The following SHANK2 variants were observed in gnomAD, a reference collection of about 807,000 sequenced individuals.
SHANK2 encodes SH3 and multiple ankyrin repeat domains protein 2.
SHANK2 carries 43 observed loss-of-function variants against 133.7 expected under a neutral mutation model. The ratio of observed to expected loss-of-function variants is 0.32; its 90% CI spans 0.25 to 0.41. The LOEUF (loss-of-function observed/expected upper bound fraction) is 0.41, where lower values mean the gene tolerates loss of function less well. Among genes scored for constraint, SHANK2 ranks in the 10% least tolerant of loss-of-function variants. The pLI is 1.00. For missense variants in SHANK2, 1,994 were observed against 2,235.8 expected (o/e 0.89, Z 2.18); for synonymous variants, 1,017 against 952.8 (o/e 1.07, Z -1.24).
intron 10 of SHANK2, among the ~76,000 whole-genome samples, chr11:70,914,404 C>G (rs1289213480): frequency 6.6e-6 from 1 of 152,110 alleles, no homozygotes; most frequent in Non-Finnish European, 1.5e-5. Context: ...CACCACACCT[C>G]CCACCTGTCC....
chr11:70,658,459 G>A (rs937675836), intron 17 of SHANK2, among the ~76,000 whole-genome samples: 4 of 152,246 alleles, frequency 2.6e-5, no homozygotes, highest in Middle Eastern at 3.4e-3. Flanking sequence ...TGGTGCACCC[G>A]ACAGTTTCAA....
intron 3 of SHANK2, among the ~76,000 whole-genome samples, chr11:71,123,630 C>A (rs1272130540): frequency 7.2e-5 from 11 of 152,200 alleles, no homozygotes; most frequent in African/African-American, 2.7e-4. Flanking sequence ...TTGGTCATGT[C>A]AAGTTCTCCT....
intron 12 of SHANK2, among the ~76,000 whole-genome samples, chr11:70,817,516 T>C (rs1948424111): frequency 6.6e-6 from 1 of 152,166 alleles, no homozygotes; most frequent in Non-Finnish European, 1.5e-5. Context: ...ATTTTAGCAC[T>C]GAAAGTCCCA....
intron 17 of SHANK2, among the ~76,000 whole-genome samples, chr11:70,641,926 T>A (rs181696857): frequency 6.6e-6 from 1 of 152,120 alleles, no homozygotes; most frequent in Non-Finnish European, 1.5e-5. Context: ...AAAGGGCCAA[T>A]CTCTCTGGGC....
chr11:70,490,420 C>T, intron 22 of SHANK2, 33 bp from the exon 23 acceptor site: 1 of 1,571,948 alleles, frequency 6.4e-7, no homozygotes, highest in African/African-American at 1.3e-5. Flanking sequence ...TGAGACGCAG[C>T]CCTGGCCAGC....
At position 70,528,113 on chromosome 11, in the gene SHANK2, C is replaced by T. The variant is rs201746087; in HGVS notation, c.2062-25182G>A. Among the ~76,000 whole-genome samples the T allele has an allele frequency of 6.6e-5, 10 of 152,338 alleles. No homozygotes were observed. The East Asian group carries it at 1.5e-3, about 24-fold the overall frequency. ...CAGAAGGTAGGAACCAGGATGGCGG[C>T]GCAGAAACCAACCGAGCATCAGGTG... On this transcript the variant is annotated intron_variant, in intron 17 of 25. Coordinates refer to ENST00000601538, the MANE Select transcript of SHANK2 (RefSeq NM_012309.5).
At chr11:71,094,823 A>G in intron 6 of SHANK2, 135 bp from the exon 7 acceptor site, 1 of 976,972 alleles carries the variant, frequency 1.0e-6, no homozygotes, top group Non-Finnish European at 1.5e-6. Flanking sequence ...AGCTCCCACC[A>G]CCTGGGAACC....
intron 17 of SHANK2, among the ~76,000 whole-genome samples, chr11:70,590,756 T>C (rs2060310552): frequency 6.6e-6 from 1 of 151,560 alleles, no homozygotes; most frequent in African/African-American, 2.4e-5. Flanking sequence ...AACTTTTCTA[T>C]GCACTGGGAA....
chr11:71,207,831 C>A (rs1276919739), intron 2 of SHANK2, among the ~76,000 whole-genome samples: 1 of 152,112 alleles, frequency 6.6e-6, no homozygotes, highest in Non-Finnish European at 1.5e-5. Flanking sequence ...TGCACCAGGC[C>A]TCTCTGGAAG....
intron 17 of SHANK2, among the ~76,000 whole-genome samples, chr11:70,611,215 A>C (rs1020428092): frequency 6.6e-6 from 1 of 152,234 alleles, no homozygotes; most frequent in Non-Finnish European, 1.5e-5. Context: ...GCTGGTGCTA[A>C]AACTGCAGGA....
chr11:70,694,436 C>T (rs1312210738), intron 15 of SHANK2, among the ~76,000 whole-genome samples: 1 of 152,208 alleles, frequency 6.6e-6, no homozygotes, highest in Non-Finnish European at 1.5e-5. Flanking sequence ...AAAATGTCTC[C>T]ACTGAGTCTC....
chr11:70,851,993 C>A (rs1433438186), intron 11 of SHANK2, among the ~76,000 whole-genome samples: 1 of 152,212 alleles, frequency 6.6e-6, no homozygotes, highest in African/African-American at 2.4e-5. Context: ...GTTCCCATTC[C>A]CACCTACTCC....
intron 17 of SHANK2, among the ~76,000 whole-genome samples, chr11:70,608,063 TTCC>T (rs1280890472): frequency 6.6e-6 from 1 of 152,206 alleles, no homozygotes; most frequent in African/African-American, 2.4e-5. Flanking sequence ...CCATGTCCGA[TTCC>T]TGCTGCCTTT....
At chr11:70,585,826 T>TCCCCCCCC (rs2060241753) in intron 17 of SHANK2, among the ~76,000 whole-genome samples, 1 of 119,230 alleles carries the variant, frequency 8.4e-6, no homozygotes, top group Admixed American at 8.8e-5. Context: ...ATCCATTTGC[T>TCCCCCCCC]CACCCACCCA....
chr11:71,184,393 C>A (rs1228286025), intron 2 of SHANK2, among the ~76,000 whole-genome samples: 1 of 152,150 alleles, frequency 6.6e-6, no homozygotes, highest in African/African-American at 2.4e-5. Flanking sequence ...GCTCTCGCGT[C>A]CATCACTTGA....
intron 25 of SHANK2, among the ~76,000 whole-genome samples, chr11:70,484,267 G>A (rs1031398269): frequency 6.6e-6 from 1 of 152,196 alleles, no homozygotes; most frequent in African/African-American, 2.4e-5. Context: ...CTCCAGTGTT[G>A]GAGGAGGTGC....
At chr11:70,592,802 T>G (rs1554988381) in intron 17 of SHANK2, among the ~76,000 whole-genome samples, 1 of 152,164 alleles carries the variant, frequency 6.6e-6, no homozygotes, top group Admixed American at 6.5e-5. Context: ...CCTTCAGCCC[T>G]GCAGCCATGT....
intron 10 of SHANK2, among the ~76,000 whole-genome samples, chr11:70,898,320 ATG>A (rs1565392274): frequency 6.7e-6 from 1 of 149,018 alleles, no homozygotes; most frequent in Non-Finnish European, 1.5e-5. Flanking sequence ...ACATATATAT[ATG>A]TGTATATATA....
intron 17 of SHANK2, among the ~76,000 whole-genome samples, chr11:70,649,885 G>T (rs1158728855): frequency 6.6e-6 from 1 of 152,218 alleles, no homozygotes; most frequent in African/African-American, 2.4e-5. Context: ...AACAAGCTTT[G>T]GAGTCAGCTT....
Sources: allele counts gnomAD v4.1 joint callset (sites outside exome capture counted in the v4.1 genomes callset), GRCh38; gene constraint gnomAD v4.1.1; transcripts MANE v1.5; gene names NCBI Gene and HGNC (gene_info 2026-07-23, HGNC 2026-07-21).